The following DPP10 variants were observed in gnomAD, a reference collection of about 807,000 sequenced individuals.
DPP10 encodes the protein inactive dipeptidyl peptidase 10.
DPP10 carries 33 observed loss-of-function variants against 120.9 expected under a neutral mutation model. The ratio of observed to expected loss-of-function variants is 0.27; its 90% CI spans 0.21 to 0.37. The LOEUF is 0.37. DPP10 is among the 10% of genes least tolerant of loss of function. The pLI, the probability that DPP10 is intolerant of heterozygous loss-of-function variation, is 1.00. For missense variants in DPP10, 816 were observed against 942.8 expected, an observed-to-expected ratio of 0.87 and a Z score of 1.76; for synonymous variants, 337 against 326.1, an observed-to-expected ratio of 1.03 and a Z score of -0.36.
intron 1 of DPP10, among the ~76,000 whole-genome samples, chr2:115,213,858 C>A (rs1246169335): frequency 6.6e-6 from 1 of 152,050 alleles, no homozygotes. Context: ...CTACTACAAT[C>A]AGTAGATTTT....
At chr2:115,131,323 T>C (rs2050346165) in intron 1 of DPP10, among the ~76,000 whole-genome samples, 1 of 152,156 alleles carries the variant, frequency 6.6e-6, no homozygotes, top group African/African-American at 2.4e-5. Context: ...AAGACAAGCC[T>C]GGGCAAAATG....
chr2:114,589,115 C>T (rs780736383), intron 1 of DPP10, among the ~76,000 whole-genome samples: 2 of 151,914 alleles, frequency 1.3e-5, no homozygotes, highest in African/African-American at 4.8e-5. Flanking sequence ...TACTAGTGAG[C>T]ATCCTGTACA....
At chr2:114,958,631 G>A (rs1480461073) in intron 1 of DPP10, among the ~76,000 whole-genome samples, 1 of 151,960 alleles carries the variant, frequency 6.6e-6, no homozygotes, top group East Asian at 1.9e-4. Context: ...ACATCATATT[G>A]TACCCCCAAA....
chr2:115,483,391 C>T (rs1032599559), intron 3 of DPP10, among the ~76,000 whole-genome samples: 6 of 152,066 alleles, frequency 3.9e-5, no homozygotes, highest in African/African-American at 7.2e-5. Context: ...ATCTCTGAAA[C>T]ATACTCCTTC....
chr2:114,496,903 T>C (rs146244585), intron 1 of DPP10, among the ~76,000 whole-genome samples: 2 of 152,046 alleles, frequency 1.3e-5, no homozygotes, highest in East Asian at 1.9e-4. Flanking sequence ...CAGCCTCTAA[T>C]AGGTTAATTA....
intron 2 of DPP10, among the ~76,000 whole-genome samples, chr2:115,336,762 T>C (rs2063164581): frequency 6.6e-6 from 1 of 151,984 alleles, no homozygotes; most frequent in Admixed American, 6.6e-5. Flanking sequence ...TAGAATTTCT[T>C]TCTCTAAAGA....
At chr2:115,304,259 T>A (rs2061269271) in intron 1 of DPP10, among the ~76,000 whole-genome samples, 1 of 151,968 alleles carries the variant, frequency 6.6e-6, no homozygotes, top group East Asian at 1.9e-4. Flanking sequence ...ATTAAGATTC[T>A]ATGTGAAGAT....
intron 3 of DPP10, among the ~76,000 whole-genome samples, chr2:115,435,046 G>GCA (rs200504425): frequency 0.048 from 2,894 of 59,826 alleles, 52 homozygotes; most frequent in Admixed American, 0.18. Flanking sequence ...CTATACACAT[G>GCA]CACACATATA....
intron 1 of DPP10, among the ~76,000 whole-genome samples, chr2:115,302,822 A>G (rs1362568745): frequency 1.3e-5 from 2 of 152,122 alleles, no homozygotes; most frequent in Non-Finnish European, 2.9e-5. Flanking sequence ...GTAATAAGTT[A>G]TAAAAAAATT....
chr2:115,761,147 C>T (rs1159254610), intron 11 of DPP10, among the ~76,000 whole-genome samples: 1 of 149,000 alleles, frequency 6.7e-6, no homozygotes, highest in Non-Finnish European at 1.5e-5. Flanking sequence ...TAGCTCACAC[C>T]TGTTATTCCA....
At chr2:114,517,286 C>T (rs544726832) in intron 1 of DPP10, among the ~76,000 whole-genome samples, 17 of 152,208 alleles carry the variant, frequency 1.1e-4, no homozygotes, top group Admixed American at 9.2e-4. Context: ...TTTGGGAGGC[C>T]GAGGCGGGAG....
At chr2:115,636,005 A>C (rs542904312) in intron 5 of DPP10, among the ~76,000 whole-genome samples, 38 of 152,290 alleles carry the variant, frequency 2.5e-4, no homozygotes, top group Admixed American at 8.5e-4. Flanking sequence ...ATACAGTGAC[A>C]ATCTTAACCA....
intron 1 of DPP10, among the ~76,000 whole-genome samples, chr2:114,641,220 T>A (rs1008939389): frequency 3.3e-5 from 5 of 152,028 alleles, no homozygotes; most frequent in African/African-American, 9.7e-5. Flanking sequence ...TTTTCATTCT[T>A]CTTTCCATAT....
At chr2:114,950,017 T>C (rs1697656341) in intron 1 of DPP10, among the ~76,000 whole-genome samples, 1 of 152,180 alleles carries the variant, frequency 6.6e-6, no homozygotes, top group Admixed American at 6.5e-5. Context: ...TGAAGTCTAA[T>C]GTGACTTAAA....
chr2:115,652,409 A>ATGTGTATGTGTGTGTGTGTGTG (rs1181566449), intron 5 of DPP10, among the ~76,000 whole-genome samples: 65 of 145,574 alleles, frequency 4.5e-4, no homozygotes, highest in African/African-American at 1.6e-3. Flanking sequence ...TAGGATATAT[A>ATGTGTATGTGTGTGTGTGTGTG]TGTGTGTGTG....
intron 1 of DPP10, among the ~76,000 whole-genome samples, chr2:114,869,158 G>T (rs1228706929): frequency 6.6e-6 from 1 of 152,002 alleles, no homozygotes; most frequent in African/African-American, 2.4e-5. Context: ...ATGCAATTGG[G>T]AATTAGTTTC....
chr2:115,363,291 T>C (rs933467081), intron 3 of DPP10, among the ~76,000 whole-genome samples: 20 of 152,242 alleles, frequency 1.3e-4, no homozygotes, highest in Admixed American at 8.5e-4. Context: ...ATTGTACTCC[T>C]TAGCTTTTAA....
intron 5 of DPP10, among the ~76,000 whole-genome samples, chr2:115,672,987 G>A (rs571175394): frequency 2.0e-4 from 30 of 152,058 alleles, no homozygotes; most frequent in Non-Finnish European, 3.8e-4. Context: ...GACCTCAGGT[G>A]ATCCGCCTGT....
intron 5 of DPP10, among the ~76,000 whole-genome samples, chr2:115,534,742 TC>T (rs2078697836): frequency 6.7e-6 from 1 of 149,862 alleles, no homozygotes; most frequent in Non-Finnish European, 1.5e-5. Flanking sequence ...GTAAAAGTGT[TC>T]CTATTTCTCC....
Sources: gnomAD v4.1 joint callset for allele counts (sites outside exome capture counted in the v4.1 genomes callset) on GRCh38, gnomAD v4.1.1 for gene constraint, MANE v1.5 for transcripts, NCBI Gene and HGNC (gene_info 2026-07-23, HGNC 2026-07-21) for gene names.